Variants in DAB1 observed in about 807,000 individuals in gnomAD.
DAB1 encodes the protein disabled homolog 1.
DAB1 carries 15 observed loss-of-function variants against 64.6 expected under a neutral mutation model. That is an observed-to-expected ratio of 0.23 (90% confidence interval 0.16 to 0.36). The LOEUF is 0.36. Among genes scored for constraint, DAB1 ranks in the 10% least tolerant of loss-of-function variants. DAB1 has a pLI of 1.00. For synonymous variants in DAB1, 235 were observed against 251.9 expected (o/e 0.93, Z 0.64); for missense variants, 596 against 706.7 (o/e 0.84, Z 1.78).
intron 3 of DAB1, among the ~76,000 whole-genome samples, chr1:58,453,360 T>C (rs1182767124): frequency 1.3e-5 from 2 of 152,198 alleles, no homozygotes; most frequent in Non-Finnish European, 2.9e-5. Flanking sequence ...CTTGACTGCA[T>C]GTAAGCTCAT....
intron 3 of DAB1, among the ~76,000 whole-genome samples, chr1:58,489,195 A>G (rs2100368654): frequency 6.6e-6 from 1 of 152,294 alleles, no homozygotes; most frequent in Non-Finnish European, 1.5e-5. Context: ...TTTCCTAGCC[A>G]AGGAAAGGGG....
chr1:57,882,973 C>T (rs552617850), intron 1 of DAB1, among the ~76,000 whole-genome samples: 6 of 152,192 alleles, frequency 3.9e-5, no homozygotes, highest in Admixed American at 1.3e-4. Context: ...ACACTGAAGC[C>T]GAATGTTCAA....
intron 5 of DAB1, among the ~76,000 whole-genome samples, chr1:57,963,478 T>C (rs1645576595): frequency 6.6e-6 from 1 of 152,200 alleles, no homozygotes; most frequent in Non-Finnish European, 1.5e-5. Flanking sequence ...TCTCTCTTGC[T>C]AATCTGTGAA....
At chr1:57,101,635 T>A (rs1453027727) in intron 4 of DAB1, among the ~76,000 whole-genome samples, 1 of 152,240 alleles carries the variant, frequency 6.6e-6, no homozygotes, top group Non-Finnish European at 1.5e-5. Context: ...ATTACAGGCA[T>A]GCTGTTTATT....
intron 6 of DAB1, among the ~76,000 whole-genome samples, chr1:57,743,471 G>A (rs71642136): frequency 0.068 from 10,344 of 152,150 alleles, 441 homozygotes; most frequent in Middle Eastern, 0.13. Flanking sequence ...CTCTCTTTTC[G>A]GACTCAGCTC....
intron 1 of DAB1, among the ~76,000 whole-genome samples, chr1:57,299,910 G>C (rs1673493664): frequency 6.6e-6 from 1 of 152,168 alleles, no homozygotes; most frequent in South Asian, 2.1e-4. Context: ...AGACCAAAAT[G>C]CACAGAGCTA....
At chr1:58,504,644 C>G (rs1248506597) in intron 3 of DAB1, among the ~76,000 whole-genome samples, 1 of 152,152 alleles carries the variant, frequency 6.6e-6, no homozygotes, top group Non-Finnish European at 1.5e-5. Flanking sequence ...AGCAATAGAA[C>G]ACAGAATAGT....
intron 4 of DAB1, among the ~76,000 whole-genome samples, chr1:57,085,291 C>A (rs1306549587): frequency 5.3e-5 from 8 of 152,230 alleles, no homozygotes; most frequent in Non-Finnish European, 1.0e-4. Context: ...CTCTGCCCAG[C>A]TGTCTGCCTT....
At position 57,122,375 on chromosome 1, in the gene DAB1, G is replaced by A. The variant is rs138625423; in HGVS notation, c.306+14168C>T. On this transcript the variant is annotated intron_variant, in intron 4 of 14. Coordinates refer to ENST00000371236, the MANE Select transcript of DAB1 (RefSeq NM_001365792.1). ...GAAAAACAAATGACTTCAAGGTGCT[G>A]ATGGGAGCTCTGGTTTTTAAGGATG... Among the ~76,000 whole-genome samples the A allele has an allele frequency of 2.5e-3, 381 of 152,278 alleles. 1 individual carries two copies. Among genetic ancestry groups the A allele is most frequent in the Non-Finnish European group, 3.4e-3 (232 of 68,014 alleles).
At chr1:58,300,615 AGAGAGAGAG>A (rs1662120305) in intron 4 of DAB1, among the ~76,000 whole-genome samples, 30 of 39,074 alleles carry the variant, frequency 7.7e-4, no homozygotes, top group Non-Finnish European at 9.8e-4. Flanking sequence ...AAAGAAAGAG[AGAGAGAGAG>A]AGAGAGAGAG....
intron 7 of DAB1, among the ~76,000 whole-genome samples, chr1:57,564,182 G>A (rs2263450): frequency 0.88 from 133,373 of 152,220 alleles, 60,087 homozygotes; most frequent in East Asian, 1. Flanking sequence ...AGAGGGTCTG[G>A]AGTGAACCTC....
chr1:57,025,386 T>A (rs1476498447), intron 10 of DAB1, among the ~76,000 whole-genome samples: 3 of 152,128 alleles, frequency 2.0e-5, no homozygotes, highest in African/African-American at 7.2e-5. Flanking sequence ...AATCCAGAGC[T>A]TCTTGAGAAG....
At chr1:57,707,146 C>G (rs935621238) in intron 6 of DAB1, among the ~76,000 whole-genome samples, 1 of 152,012 alleles carries the variant, frequency 6.6e-6, no homozygotes, top group South Asian at 2.1e-4. Context: ...ACCATCCTCA[C>G]GCCCTCCTAC....
chr1:57,500,409 G>T (rs1644277206), intron 7 of DAB1, among the ~76,000 whole-genome samples: 1 of 152,198 alleles, frequency 6.6e-6, no homozygotes, highest in Non-Finnish European at 1.5e-5. Flanking sequence ...ATCAGTAGCA[G>T]AGATTTCAAA....
intron 5 of DAB1, among the ~76,000 whole-genome samples, chr1:58,036,143 T>C (rs543616094): frequency 6.6e-6 from 1 of 152,340 alleles, no homozygotes; most frequent in South Asian, 2.1e-4. Context: ...GGTCCTCTAA[T>C]AGTAATAATA....
chr1:57,102,017 C>T (rs1345112380), intron 4 of DAB1, among the ~76,000 whole-genome samples: 1 of 152,124 alleles, frequency 6.6e-6, no homozygotes, highest in Non-Finnish European at 1.5e-5. Context: ...AATCCCTATG[C>T]CACATCACCT....
intron 1 of DAB1, among the ~76,000 whole-genome samples, chr1:57,868,975 C>T (rs1375560601): frequency 6.6e-6 from 1 of 152,074 alleles, no homozygotes; most frequent in Non-Finnish European, 1.5e-5. Flanking sequence ...CCATCTTAAC[C>T]AAAGCTATCC....
intron 4 of DAB1, among the ~76,000 whole-genome samples, chr1:57,076,764 C>T (rs1322952849): frequency 6.6e-6 from 1 of 152,162 alleles, no homozygotes; most frequent in Non-Finnish European, 1.5e-5. Flanking sequence ...CCTTGATACC[C>T]CATTTCCCTG....
intron 4 of DAB1, among the ~76,000 whole-genome samples, chr1:58,175,812 A>G (rs937316820): frequency 2.6e-5 from 4 of 152,228 alleles, no homozygotes; most frequent in African/African-American, 9.6e-5. Flanking sequence ...TTCTGGTTCC[A>G]AAGTCTCGGG....
Sources: gnomAD v4.1 joint callset for allele counts (sites outside exome capture counted in the v4.1 genomes callset) on GRCh38, gnomAD v4.1.1 for gene constraint, MANE v1.5 for transcripts, NCBI Gene and HGNC (gene_info 2026-07-23, HGNC 2026-07-21) for gene names.